PIWIL2: variants seen among roughly 807,000 people sequenced by gnomAD.
PIWIL2 encodes piwi like RNA-mediated gene silencing 2.
A neutral mutation model predicts 116.5 loss-of-function variants in PIWIL2; 81 were observed. The ratio of observed to expected loss-of-function variants is 0.70; its 90% CI spans 0.58 to 0.84. PIWIL2 has a LOEUF of 0.84. Ranked by LOEUF, PIWIL2 falls within the 40% of genes least tolerant of loss-of-function variation. The pLI, the probability that PIWIL2 is intolerant of heterozygous loss-of-function variation, is 0.00. For missense variants in PIWIL2, 1,272 were observed against 1,212.3 expected (o/e 1.05, Z -0.73); for synonymous variants, 489 against 429.5 (o/e 1.14, Z -1.71).
chr8:22,309,749 C>T (rs898772227), intron 14 of PIWIL2, among the ~76,000 whole-genome samples: 10 of 152,334 alleles, frequency 6.6e-5, no homozygotes, highest in African/African-American at 1.4e-4. Context: ...TAATGAAAGA[C>T]TAGTACCTAT....
intron 16 of PIWIL2, among the ~76,000 whole-genome samples, chr8:22,312,674 T>G (rs564329004): frequency 1.3e-5 from 2 of 152,270 alleles, no homozygotes; most frequent in East Asian, 3.9e-4. Flanking sequence ...AAGTCTTGAC[T>G]CTGTTGCTCA....
In PIWIL2 at chr8:22,322,661, C is replaced by T. The variant is rs146774488; in HGVS notation, c.2403+4386C>T. Among the ~76,000 whole-genome samples the T allele has an allele frequency of 5.7e-3, 867 of 151,792 alleles. 5 individuals are homozygous for T. Among genetic ancestry groups the T allele is most frequent in the South Asian group, 0.024 (115 of 4,808 alleles). ...TTCCTTGTCCTGTCCTTGTCCTGTC[C>T]TTTTTTGTCCTGTCCTTTACAGGCA... On this transcript the variant is annotated intron_variant, in intron 20 of 22. Coordinates refer to ENST00000356766, the MANE Select transcript of PIWIL2 (RefSeq NM_018068.5).
chr8:22,288,576 G>C lies in PIWIL2; in HGVS notation c.896G>C (p.Ser299Thr). ...TTAAAAAGTCAAAGGAAAACAGACAGTGCTGAAATCAGCATTAAGATTCAG... is the reference window on the plus strand; with the variant it reads ...TTAAAAAGTCAAAGGAAAACAGACACTGCTGAAATCAGCATTAAGATTCAG... ...LELKSQRKTD[S>T]AEISIKIQMT... Residue 299 changes from serine (S) to threonine (T), a missense_variant, in exon 8 of 23, where the codon AGT becomes ACT. Physicochemically the swap from Ser to Thr is moderately conservative, Grantham distance 58 (BLOSUM62 1). Coordinates refer to ENST00000356766, the MANE Select transcript of PIWIL2 (RefSeq NM_018068.5). 6.2e-6 allele frequency: 10 copies of C among 1,610,558 alleles called. No homozygotes were observed. The highest frequency in any genetic ancestry group is 8.5e-6 in the Non-Finnish European group (10 of 1,176,748).
intron 20 of PIWIL2, among the ~76,000 whole-genome samples, chr8:22,329,727 T>G (rs1455932926): frequency 6.6e-6 from 1 of 152,238 alleles, no homozygotes; most frequent in Non-Finnish European, 1.5e-5. Context: ...CCTGTATAGT[T>G]CTATTCTCTC....
intron 20 of PIWIL2, among the ~76,000 whole-genome samples, chr8:22,323,592 A>G (rs1327790085): frequency 6.6e-6 from 1 of 152,166 alleles, no homozygotes; most frequent in Non-Finnish European, 1.5e-5. Context: ...TCCCAACACA[A>G]TTGATTATTA....
At chr8:22,316,203 T>C (rs1831454367) in intron 18 of PIWIL2, 42 bp from the exon 19 acceptor site, 16 of 1,230,602 alleles carry the variant, frequency 1.3e-5, no homozygotes, top group Non-Finnish European at 1.8e-5. Flanking sequence ...AATGCATTGC[T>C]CAGGTCTGGG....
chr8:22,302,149 A>G (rs939908187), intron 10 of PIWIL2, among the ~76,000 whole-genome samples: 4 of 151,696 alleles, frequency 2.6e-5, no homozygotes, highest in African/African-American at 9.7e-5. Context: ...TTTCTGTTTA[A>G]TACATTTTGG....
chr8:22,322,354 G>T (rs1471727604), intron 20 of PIWIL2, among the ~76,000 whole-genome samples: 1 of 151,812 alleles, frequency 6.6e-6, no homozygotes, highest in Non-Finnish European at 1.5e-5. Context: ...GGGCTCAAGG[G>T]ATCCTCCCAC....
At chr8:22,316,697 G>T (rs1831467798) in intron 19 of PIWIL2, among the ~76,000 whole-genome samples, 1 of 152,190 alleles carries the variant, frequency 6.6e-6, no homozygotes, top group East Asian at 1.9e-4. Flanking sequence ...GGCCAGGCTG[G>T]TCTTGAACAC....
At chr8:22,325,137 A>G (rs908185765) in intron 20 of PIWIL2, among the ~76,000 whole-genome samples, 7 of 152,208 alleles carry the variant, frequency 4.6e-5, no homozygotes, top group Non-Finnish European at 1.0e-4. Context: ...TGTGGGAAAG[A>G]AAGAAAAAAG....
intron 20 of PIWIL2, among the ~76,000 whole-genome samples, chr8:22,341,346 G>A (rs553528951): frequency 2.6e-5 from 4 of 151,126 alleles, no homozygotes; most frequent in Admixed American, 2.0e-4. Context: ...CTGTAATTCC[G>A]GCACTTTGGG....
rs1275365622 is a variant in PIWIL2 at position 22,295,048 on chromosome 8, T to C, written c.1181+4702T>C. Among the ~76,000 whole-genome samples the C allele has an allele frequency of 2.6e-5, 4 of 151,864 alleles. No homozygotes were observed. The East Asian group carries it at 5.8e-4, about 22-fold the overall frequency. ...GAGCCGAGATCGTGCCAGTGTACTC[T>C]AGCCTGGGCAACAGAGCGAGACTTC... On this transcript the variant is annotated intron_variant, in intron 10 of 22. Transcript: ENST00000356766.
intron 20 of PIWIL2, among the ~76,000 whole-genome samples, chr8:22,328,066 A>G (rs1010436773): frequency 2.0e-5 from 3 of 151,206 alleles, no homozygotes; most frequent in African/African-American, 4.9e-5. Context: ...TTTTTTTTCT[A>G]ACAATGTTAT....
At chr8:22,281,246 ATGAT>A (rs1309529732) in intron 3 of PIWIL2, 39 bp downstream of exon 3, 2 of 1,550,068 alleles carry the variant, frequency 1.3e-6, no homozygotes, top group Non-Finnish European at 1.8e-6. Flanking sequence ...GGTGGTATGT[ATGAT>A]TGGTTTCTTC....
intron 16 of PIWIL2, among the ~76,000 whole-genome samples, chr8:22,313,476 G>C (rs765382632): frequency 6.6e-6 from 1 of 152,296 alleles, no homozygotes; most frequent in Non-Finnish European, 1.5e-5. Context: ...AGTCATTGTA[G>C]GGCCTGAAAA....
Position 22,279,706 on chromosome 8 carries a change from A to C in PIWIL2, c.198+122A>C, listed in dbSNP as rs959355682. On this transcript the variant is annotated intron_variant, in intron 2 of 22. Coordinates refer to ENST00000356766, the MANE Select transcript of PIWIL2 (RefSeq NM_018068.5). ...GGTGGCTCACGCCTGTAATCCCAGC[A>C]CTTTGGGAGGCCGAGGCAGGTGGAT... 20 of 878,150 alleles carry C rather than the reference A, an allele frequency of 2.3e-5. No individual in the cohort carries two copies. In the African/African-American group the frequency reaches 3.3e-4, roughly 15 times the overall value. 54.4% of individuals were successfully genotyped at this position (878,150 alleles called of 1,614,324 possible). A position where few individuals can be genotyped will look rare whatever the true frequency, so the allele number is the denominator to read the frequency against.
At chr8:22,330,584 C>T (rs1232070439) in intron 20 of PIWIL2, among the ~76,000 whole-genome samples, 1 of 151,648 alleles carries the variant, frequency 6.6e-6, no homozygotes, top group African/African-American at 2.4e-5. Context: ...GTAATCCCAG[C>T]TACTCAGGAG....
At chr8:22,296,020 C>CTTTTTTTTTTTTTT (rs67357452) in intron 10 of PIWIL2, among the ~76,000 whole-genome samples, 8 of 102,836 alleles carry the variant, frequency 7.8e-5, no homozygotes, top group East Asian at 2.5e-4. Context: ...CTCTTCCCTT[C>CTTTTTTTTTTTTTT]TTTTTTTTTT....
chr8:22,312,732 G>C (rs1175364695), intron 16 of PIWIL2, among the ~76,000 whole-genome samples: 1 of 151,994 alleles, frequency 6.6e-6, no homozygotes, highest in African/African-American at 2.4e-5. Flanking sequence ...CATGAAACTT[G>C]AGGGCCCAAG....
Sources: allele counts gnomAD v4.1 joint callset (sites outside exome capture counted in the v4.1 genomes callset), GRCh38; gene constraint gnomAD v4.1.1; transcripts MANE v1.5; gene names NCBI Gene and HGNC (gene_info 2026-07-23, HGNC 2026-07-21).